The following ERBB4 variants were observed in gnomAD, a reference collection of about 807,000 sequenced individuals.
The protein encoded by ERBB4 is receptor tyrosine-protein kinase erbB-4.
A neutral mutation model predicts 158.0 loss-of-function variants in ERBB4; 42 were observed. The observed-to-expected ratio is 0.27, with a 90% CI of 0.21 to 0.34. The LOEUF is 0.34. Ranked by LOEUF, ERBB4 falls within the 10% of genes least tolerant of loss-of-function variation. The probability of loss-of-function intolerance (pLI) is 1.00; values close to 1 mark genes in which losing one functional copy is unlikely to be tolerated. For missense variants in ERBB4, 1,333 were observed against 1,624.1 expected (o/e 0.82, Z 3.08); for synonymous variants, 583 against 558.7 (o/e 1.04, Z -0.61).
chr2:211,988,368 C>T (rs1052022761), intron 2 of ERBB4, among the ~76,000 whole-genome samples: 1 of 152,044 alleles, frequency 6.6e-6, no homozygotes, highest in Non-Finnish European at 1.5e-5. Context: ...AATACAAATC[C>T]TAGCTACCTC....
At position 212,124,893 on chromosome 2, in the gene ERBB4, TCCTGCACAC is replaced by T; in HGVS notation, c.84_92del (p.Cys29_Gly31del). The T allele has an allele frequency of 6.2e-7, 1 of 1,614,184 alleles. No homozygotes were observed. Among genetic ancestry groups the T allele is most frequent in the Non-Finnish European group, 8.5e-7 (1 of 1,180,016 alleles). ...AGAGAGAGCTCAGTTTATTCTCCGT[TCCTGCACAC>T]ACTGCAAAGACAAGAAGATACACGT... On this transcript the variant is annotated inframe_deletion and splice_region_variant, in exon 2 of 28. Transcript: ENST00000342788.
chr2:211,388,733 G>T (rs918293477), intron 25 of ERBB4, among the ~76,000 whole-genome samples: 3 of 151,886 alleles, frequency 2.0e-5, no homozygotes, highest in Non-Finnish European at 4.4e-5. Flanking sequence ...ATAGCTTAAC[G>T]CTCCATCCTA....
chr2:212,470,418 C>T (rs1468326048), intron 1 of ERBB4, among the ~76,000 whole-genome samples: 1 of 152,070 alleles, frequency 6.6e-6, no homozygotes, highest in Non-Finnish European at 1.5e-5. Flanking sequence ...ATCATAGGAC[C>T]AACTCCTCCC....
At chr2:212,456,155 T>C (rs1469903926) in intron 1 of ERBB4, among the ~76,000 whole-genome samples, 1 of 152,168 alleles carries the variant, frequency 6.6e-6, no homozygotes, top group Non-Finnish European at 1.5e-5. Context: ...ATCTGATTTT[T>C]ATAGCAACAT....
intron 4 of ERBB4, among the ~76,000 whole-genome samples, chr2:211,763,822 A>T (rs2075477278): frequency 6.6e-6 from 1 of 151,958 alleles, no homozygotes; most frequent in African/African-American, 2.4e-5. Flanking sequence ...CCCAAGACTC[A>T]TCGTATGTTA....
chr2:212,194,566 C>T (rs1487144438), intron 1 of ERBB4, among the ~76,000 whole-genome samples: 1 of 152,006 alleles, frequency 6.6e-6, no homozygotes, highest in Admixed American at 6.6e-5. Flanking sequence ...ATACAAACAG[C>T]TAGCTAGCAG....
chr2:211,839,149 G>GAGA lies in ERBB4; in HGVS notation c.422-50993_422-50991dup, dbSNP rs1310825481. Among the ~76,000 whole-genome samples the GAGA allele has an allele frequency of 2.2e-5, 2 of 89,178 alleles. 1 individual carries two copies. Among genetic ancestry groups the GAGA allele is most frequent in the African/African-American group, 8.8e-5 (2 of 22,610 alleles). The allele number at this position is 89,178 out of a possible 152,430, so 58.5% of individuals were successfully genotyped here. On this transcript the variant is annotated intron_variant, in intron 3 of 27. Transcript: ENST00000342788. ...AGAGAGAGAGGGAGAGAGGGAGAGA[G>GAGA]AGAAGGAGGAGGAGGAGGAGGAGGA...
intron 1 of ERBB4, among the ~76,000 whole-genome samples, chr2:212,432,489 A>C (rs573691572): frequency 6.6e-6 from 1 of 152,088 alleles, no homozygotes; most frequent in Non-Finnish European, 1.5e-5. Flanking sequence ...TGCTCTCTCT[A>C]TATATAATGT....
At chr2:211,932,150 T>C (rs1575396933) in intron 3 of ERBB4, among the ~76,000 whole-genome samples, 1 of 152,166 alleles carries the variant, frequency 6.6e-6, no homozygotes, top group Non-Finnish European at 1.5e-5. Context: ...TGCCTTCTCA[T>C]CTAGAACACA....
At position 212,124,801 on chromosome 2, in the gene ERBB4, T is replaced by C. The variant is rs767922354; in HGVS notation, c.185A>G (p.Asn62Ser). The C allele has an allele frequency of 2.5e-6, 4 of 1,614,166 alleles. No homozygotes were observed. The highest frequency in any genetic ancestry group is 3.3e-5 in the Admixed American group (2 of 60,018). Residue 62 changes from asparagine to serine, a missense_variant, in exon 2 of 28, where the codon AAC becomes AGC. By Grantham distance (46) the Asn-to-Ser change is conservative (BLOSUM62 1). Coordinates refer to ENST00000342788, the MANE Select transcript of ERBB4 (RefSeq NM_005235.3). Reference protein sequence around the residue: ...YYENCEVVMGNLEITSIEHNR... With the variant: ...YYENCEVVMGSLEITSIEHNR... ...GTGCTCAATGCTGGTTATCTCCAGG[T>C]TGCCCATGACAACCTCACAGTTTTC...
At position 211,624,065 on chromosome 2, in the gene ERBB4, G is replaced by A. The variant is rs1027645165; in HGVS notation, c.2080-21C>T. Reference sequence around the variant, plus strand: ...ACCAACTGCAAAGCGGAAAGAAGAAGGTTATACTTTCAGTCCGATAGTCAG... The same window carrying A: ...ACCAACTGCAAAGCGGAAAGAAGAAAGTTATACTTTCAGTCCGATAGTCAG... On this transcript the variant is annotated intron_variant, in intron 17 of 27. Coordinates refer to ENST00000342788, the MANE Select transcript of ERBB4 (RefSeq NM_005235.3). The A allele has an allele frequency of 5.6e-6, 9 of 1,613,388 alleles. No individual in the cohort carries two copies. The African/African-American group carries it at 1.2e-4, about 22-fold the overall frequency.
At chr2:211,535,581 G>GA (rs2066624142) in intron 20 of ERBB4, 1 of 129,534 alleles carries the variant, frequency 7.7e-6, no homozygotes, top group Non-Finnish European at 1.7e-5. Context: ...AAGAGAGAGA[G>GA]AGAGTGTATG....
chr2:212,222,723 A>G (rs2083335319), intron 1 of ERBB4, among the ~76,000 whole-genome samples: 1 of 151,238 alleles, frequency 6.6e-6, no homozygotes, highest in Non-Finnish European at 1.5e-5. Flanking sequence ...TTTCCTCTTT[A>G]ATAAAACTGC....
chr2:212,516,576 A>G (rs796750702), intron 1 of ERBB4, among the ~76,000 whole-genome samples: 13 of 152,248 alleles, frequency 8.5e-5, no homozygotes, highest in African/African-American at 3.1e-4. Flanking sequence ...TGTCTCATAT[A>G]TATTAGAAAC....
chr2:212,220,685 C>T (rs1387673775), intron 1 of ERBB4, among the ~76,000 whole-genome samples: 3 of 151,338 alleles, frequency 2.0e-5, no homozygotes, highest in Non-Finnish European at 4.4e-5. Flanking sequence ...CTGGAAGGTC[C>T]TTCCCTCCCT....
rs145166808 is a variant in ERBB4 at position 211,601,731 on chromosome 2, T to C, written c.2301+17446A>G. ...AACTATCAAACAAGTAGGGGGTATA[T>C]AAAAAGTATTTTTGAATGTGTCAAT... On this transcript the variant is annotated intron_variant, in intron 19 of 27. Transcript: ENST00000342788. Among the ~76,000 whole-genome samples, 12 of 151,094 alleles carry C rather than the reference T, an allele frequency of 7.9e-5. No homozygotes were observed. In the East Asian group the frequency reaches 2.2e-3, roughly 27 times the overall value.
intron 20 of ERBB4, among the ~76,000 whole-genome samples, chr2:211,496,631 AT>A (rs2065476309): frequency 6.6e-6 from 1 of 151,796 alleles, no homozygotes; most frequent in African/African-American, 2.4e-5. Context: ...CACCTCAATT[AT>A]TTGATTACTG....
chr2:211,677,148 A>T (rs1249840159), intron 13 of ERBB4, among the ~76,000 whole-genome samples: 2 of 152,180 alleles, frequency 1.3e-5, no homozygotes, highest in Non-Finnish European at 1.5e-5. Flanking sequence ...TATGATCTAT[A>T]TATTTTTATT....
chr2:211,540,205 T>TATATATATACAC lies in ERBB4; in HGVS notation c.2487+21697_2487+21698insGTGTATATATAT, dbSNP rs60602351. Among the ~76,000 whole-genome samples the TATATATATACAC allele has an allele frequency of 5.5e-3, 809 of 147,824 alleles. 15 individuals carry two copies. In the East Asian group the frequency reaches 0.058, roughly 11 times the overall value. On this transcript the variant is annotated intron_variant, in intron 20 of 27. Transcript: ENST00000342788. ...TACATGATTTATATATATATATATA[T>TATATATATACAC]ACACACACACATATATATAATACAT...
Sources: allele counts gnomAD v4.1 joint callset (sites outside exome capture counted in the v4.1 genomes callset), GRCh38; gene constraint gnomAD v4.1.1; transcripts MANE v1.5; gene names NCBI Gene and HGNC (gene_info 2026-07-23, HGNC 2026-07-21).